The following VPS35L variants were observed in gnomAD, a reference collection of about 807,000 sequenced individuals.
The protein encoded by VPS35L is VPS35 endosomal protein-sorting factor-like.
In VPS35L, 83 loss-of-function variants were observed where a neutral mutation model predicts 133.0. That is an observed-to-expected ratio of 0.62 (90% CI 0.52 to 0.75). The LOEUF (loss-of-function observed/expected upper bound fraction) is 0.75, where lower values mean the gene tolerates loss of function less well. VPS35L is among the 30% of genes least tolerant of loss of function. The pLI is 0.00. For synonymous variants in VPS35L, 423 were observed against 449.9 expected, an observed-to-expected ratio of 0.94 and a Z score of 0.76; for missense variants, 1,083 against 1,206.8, an observed-to-expected ratio of 0.90 and a Z score of 1.52.
At chr16:19,651,573 C>T (rs1460172164) in intron 25 of VPS35L, among the ~76,000 whole-genome samples, 1 of 152,128 alleles carries the variant, frequency 6.6e-6, no homozygotes, top group African/African-American at 2.4e-5. Context: ...GAAAAGATTA[C>T]AGTAAAAAAT....
intron 14 of VPS35L, among the ~76,000 whole-genome samples, chr16:19,625,877 T>C (rs1973245193): frequency 6.6e-6 from 1 of 152,182 alleles, no homozygotes; most frequent in South Asian, 2.1e-4. Context: ...TTTTACCATG[T>C]TGGCCAGACT....
intron 7 of VPS35L, among the ~76,000 whole-genome samples, chr16:19,586,706 T>C (rs1971876311): frequency 6.6e-6 from 1 of 152,220 alleles, no homozygotes; most frequent in African/African-American, 2.4e-5. Context: ...TAGTTGTATC[T>C]AAGAACTCTT....
At chr16:19,683,330 A>G (rs757002624) in intron 28 of VPS35L, among the ~76,000 whole-genome samples, 1 of 152,182 alleles carries the variant, frequency 6.6e-6, no homozygotes, top group African/African-American at 2.4e-5. Context: ...TTCAACTTCT[A>G]TTTTAGATTT....
In VPS35L at chr16:19,616,205, A is replaced by T. The variant is rs376441307; in HGVS notation, c.1101+14A>T. On this transcript the variant is annotated intron_variant, in intron 13 of 30. Transcript: ENST00000417362. ...ACGTTCAAACAGGTAAGAGAACACT[A>T]TCAGAATAGCTCATCGATATAACAG... 5.0e-6 allele frequency: 8 copies of T among 1,590,478 alleles called. 1 individual carries two copies. The South Asian group carries it at 7.7e-5, about 15-fold the overall frequency.
chr16:19,618,961 C>T (rs1471286641), intron 14 of VPS35L, among the ~76,000 whole-genome samples: 1 of 149,342 alleles, frequency 6.7e-6, no homozygotes, highest in African/African-American at 2.5e-5. Context: ...GACAGAGTCT[C>T]ACTCTGTCTC....
rs562841816 is a variant in VPS35L at position 19,568,922 on chromosome 16, G to A, written c.118-502G>A. Among the ~76,000 whole-genome samples, 4 of 152,224 alleles carry A rather than the reference G, an allele frequency of 2.6e-5. No individual in the cohort carries two copies. In the South Asian group the frequency reaches 8.3e-4, roughly 32 times the overall value. ...CAGCACCACAAAGTGTTGGGATACA[G>A]GCATGAGCCACTGCACCCAGTAGAA... On this transcript the variant is annotated intron_variant, in intron 2 of 30. Transcript: ENST00000417362.
chr16:19,573,119 G>C lies in VPS35L; in HGVS notation c.286G>C (p.Asp96His). 6.2e-7 allele frequency: 1 copy of C among 1,613,108 alleles called. No individual in the cohort carries two copies. Among genetic ancestry groups the C allele is most frequent in the Non-Finnish European group, 8.5e-7 (1 of 1,179,486 alleles). ...ADPAALAAAM[D>H]SSRRKRDRDD... is the part of the protein sequence containing the mutation. ...AAGAGATTATCTTGCCTTTCTTTAG[G>C]ACAGCTCCAGAAGGAAACGTGATAG... Residue 96 changes from aspartate to histidine, a missense_variant and splice_region_variant, in exon 4 of 31, where the codon GAC (aspartate) becomes CAC (histidine). Coordinates refer to ENST00000417362, the MANE Select transcript of VPS35L (RefSeq NM_020314.7).
intron 8 of VPS35L, among the ~76,000 whole-genome samples, chr16:19,596,303 C>G (rs73533737): frequency 0.025 from 3,766 of 150,670 alleles, 156 homozygotes; most frequent in African/African-American, 0.086. Context: ...GAGACAGGGT[C>G]TCACTTCATT....
At chr16:19,696,881 CTT>C (rs1378265205) in intron 29 of VPS35L, among the ~76,000 whole-genome samples, 13 of 152,182 alleles carry the variant, frequency 8.5e-5, no homozygotes, top group African/African-American at 2.9e-4. Context: ...TCCAAGGAGA[CTT>C]TTAGTTAGCT....
chr16:19,628,917 G>A lies in VPS35L; in HGVS notation c.1500+164G>A, dbSNP rs190028197. Among the ~76,000 whole-genome samples, 850 of 152,148 alleles carry A rather than the reference G, an allele frequency of 5.6e-3. 11 individuals carry two copies. Among genetic ancestry groups the A allele is most frequent in the African/African-American group, 0.019 (797 of 41,516 alleles). On this transcript the variant is annotated intron_variant, in intron 17 of 30. Transcript: ENST00000417362. ...AGCGATTCTTCTGCCTCAGCCTCCC[G>A]AGTAGCTGGGATTACAGGTGTGTGC... is the stretch of plus-strand genomic sequence containing the variant.
chr16:19,563,742 G>T (rs1489773401), intron 1 of VPS35L, among the ~76,000 whole-genome samples: 1 of 152,266 alleles, frequency 6.6e-6, no homozygotes, highest in African/African-American at 2.4e-5. Flanking sequence ...CCTTTCTCTT[G>T]CCCTATGCAG....
chr16:19,677,421 C>T (rs1567479544), intron 27 of VPS35L, among the ~76,000 whole-genome samples: 2 of 152,142 alleles, frequency 1.3e-5, no homozygotes, highest in Non-Finnish European at 2.9e-5. Context: ...CCTCTCAGAG[C>T]TCCAGATTTG....
intron 27 of VPS35L, among the ~76,000 whole-genome samples, chr16:19,680,059 C>A (rs1975214497): frequency 6.6e-6 from 1 of 152,190 alleles, no homozygotes; most frequent in Non-Finnish European, 1.5e-5. Flanking sequence ...GAATCTGGTA[C>A]CAGTAGTTAG....
rs1169766328 is a variant in VPS35L, at chr16:19,644,840, TTCATC to T, written c.1866-44_1866-40del. On this transcript the variant is annotated intron_variant, in intron 22 of 30. Transcript: ENST00000417362. ...TTGTGTATTTTTTTCTTTAGAAACT[TTCATC>T]TATTACCTCCGTGTTAATTATGTAC... 3 of 1,395,818 alleles carry T rather than the reference TTCATC, an allele frequency of 2.1e-6. No homozygotes were observed. The Admixed American group carries it at 5.9e-5, about 27-fold the overall frequency. The allele number at this position is 1,395,818 out of a possible 1,614,324, so 86.5% of individuals were successfully genotyped here.
chr16:19,587,378 C>G (rs1369295979), intron 7 of VPS35L: 2 of 450,278 alleles, frequency 4.4e-6, no homozygotes. Flanking sequence ...GCCTGTAATC[C>G]CAGCACTTTG....
chr16:19,668,621 C>T (rs1414106066), intron 26 of VPS35L, among the ~76,000 whole-genome samples: 2 of 118,926 alleles, frequency 1.7e-5, no homozygotes, highest in Non-Finnish European at 3.4e-5. Flanking sequence ...TGTGTGTGTG[C>T]TGTGTTCCTT....
chr16:19,637,757 T>C (rs1425096867), intron 20 of VPS35L, 101 bp downstream of exon 20: 3 of 773,108 alleles, frequency 3.9e-6, no homozygotes, highest in East Asian at 2.7e-5. Flanking sequence ...AAAAGAAATA[T>C]TCAGCAGTTC....
At chr16:19,669,130 A>G (rs372903398) in intron 26 of VPS35L, 30 bp from the exon 27 acceptor site, 38 of 1,580,186 alleles carry the variant, frequency 2.4e-5, no homozygotes, top group Non-Finnish European at 3.1e-5. Flanking sequence ...CAGAGTTCTA[A>G]TATACTGACT....
At chr16:19,599,311 A>G (rs1322696186) in intron 8 of VPS35L, among the ~76,000 whole-genome samples, 2 of 152,190 alleles carry the variant, frequency 1.3e-5, no homozygotes, top group South Asian at 2.1e-4. Flanking sequence ...CATATTTTCA[A>G]TAGTCCCAGG....
Sources: allele counts gnomAD v4.1 joint callset (sites outside exome capture counted in the v4.1 genomes callset), GRCh38; gene constraint gnomAD v4.1.1; transcripts MANE v1.5; gene names NCBI Gene and HGNC (gene_info 2026-07-23, HGNC 2026-07-21).